SH3RF3: variants seen among roughly 807,000 people sequenced by gnomAD.
SH3RF3 encodes SH3 domain containing ring finger 3, also known as E3 ubiquitin-protein ligase SH3RF3.
SH3RF3 carries 29 observed loss-of-function variants against 66.3 expected under a neutral mutation model. The ratio of observed to expected loss-of-function variants is 0.44; its 90% CI spans 0.33 to 0.60. The LOEUF (loss-of-function observed/expected upper bound fraction) is 0.60, where lower values mean the gene tolerates loss of function less well. Among genes scored for constraint, SH3RF3 ranks in the 20% least tolerant of loss-of-function variants. SH3RF3 has a pLI of 0.04. For missense variants in SH3RF3, 1,194 were observed against 1,190.9 expected (o/e 1.00, Z -0.04); for synonymous variants, 583 against 532.0 (o/e 1.10, Z -1.32).
intron 1 of SH3RF3, among the ~76,000 whole-genome samples, chr2:109,231,833 A>G (rs1679521645): frequency 6.6e-6 from 1 of 152,106 alleles, no homozygotes; most frequent in South Asian, 2.1e-4. Context: ...CTCTAGCTGG[A>G]TTAGATATTT....
chr2:109,287,625 A>G lies in SH3RF3; in HGVS notation c.574-60049A>G, dbSNP rs371606059. On this transcript the variant is annotated intron_variant, in intron 1 of 9. Coordinates refer to ENST00000309415, the MANE Select transcript of SH3RF3 (RefSeq NM_001099289.3). ...AGGCGCAGGTGGTTGGATTTGTCCA[A>G]TGGGAGGCGGGAGGGGAACTGTGAG... is the stretch of plus-strand genomic sequence containing the variant. Among the ~76,000 whole-genome samples the G allele has an allele frequency of 1.1e-4, 16 of 152,226 alleles. No individual in the cohort carries two copies. The East Asian group carries it at 1.9e-3, about 18-fold the overall frequency.
chr2:109,363,721 ATTT>A (rs1683099024), intron 2 of SH3RF3, among the ~76,000 whole-genome samples: 1 of 152,180 alleles, frequency 6.6e-6, no homozygotes, highest in Non-Finnish European at 1.5e-5. Context: ...TTGAAGGATA[ATTT>A]CACAGGTACA....
intron 2 of SH3RF3, among the ~76,000 whole-genome samples, chr2:109,370,108 G>A (rs998236898): frequency 7.2e-5 from 11 of 152,228 alleles, no homozygotes; most frequent in Admixed American, 6.5e-4. Flanking sequence ...TGCCGAAGGA[G>A]GGATGGTTCC....
intron 1 of SH3RF3, among the ~76,000 whole-genome samples, chr2:109,203,475 T>C (rs1407108789): frequency 6.6e-6 from 1 of 152,174 alleles, no homozygotes; most frequent in Admixed American, 6.5e-5. Context: ...AGTCGCTTCT[T>C]AGTTCCTAAG....
chr2:109,167,783 GGATGGTCTTGATCTCCT>G (rs1677665197), intron 1 of SH3RF3, among the ~76,000 whole-genome samples: 1 of 152,138 alleles, frequency 6.6e-6, no homozygotes, highest in South Asian at 2.1e-4. Flanking sequence ...ATGTTAGCCA[GGATGGTCTTGATCTCCT>G]GACCTTGTGA....
intron 1 of SH3RF3, among the ~76,000 whole-genome samples, chr2:109,337,487 G>A (rs1408995028): frequency 6.6e-6 from 1 of 152,234 alleles, no homozygotes; most frequent in Non-Finnish European, 1.5e-5. Context: ...AAGGGACTGT[G>A]CAGGCAAGGG....
intron 1 of SH3RF3, among the ~76,000 whole-genome samples, chr2:109,209,261 A>G (rs910000185): frequency 1.3e-5 from 2 of 152,172 alleles, no homozygotes; most frequent in African/African-American, 2.4e-5. Context: ...AGGTCATCAC[A>G]TTCAGAGATT....
intron 3 of SH3RF3, among the ~76,000 whole-genome samples, chr2:109,374,311 T>C (rs1284821310): frequency 2.0e-5 from 3 of 152,102 alleles, no homozygotes; most frequent in Non-Finnish European, 4.4e-5. Flanking sequence ...CACACACCCA[T>C]AGCCTGGCAG....
chr2:109,422,414 G>A (rs750602958), intron 5 of SH3RF3, among the ~76,000 whole-genome samples: 88 of 152,180 alleles, frequency 5.8e-4, no homozygotes, highest in African/African-American at 2.0e-3. Context: ...AATCCTGTAC[G>A]GTCAGTGTGT....
At chr2:109,476,765 T>G (rs1573284202) in intron 8 of SH3RF3, among the ~76,000 whole-genome samples, 1 of 152,220 alleles carries the variant, frequency 6.6e-6, no homozygotes, top group African/African-American at 2.4e-5. Context: ...ACAGCAGCCC[T>G]GAGGGCTGCT....
chr2:109,311,468 A>G (rs1376467552), intron 1 of SH3RF3, among the ~76,000 whole-genome samples: 1 of 148,960 alleles, frequency 6.7e-6, no homozygotes, highest in Admixed American at 6.8e-5. Flanking sequence ...CTCCTATTCA[A>G]CATAGTGTTG....
intron 1 of SH3RF3, chr2:109,251,453 A>G (rs1680089992): frequency 1.4e-6 from 1 of 726,084 alleles, no homozygotes. Flanking sequence ...GAGTTGAAAA[A>G]ATCTATGGAC....
intron 1 of SH3RF3, among the ~76,000 whole-genome samples, chr2:109,294,392 C>T (rs924152570): frequency 3.3e-5 from 5 of 151,884 alleles, no homozygotes; most frequent in African/African-American, 1.2e-4. Context: ...GAAACCTCAT[C>T]TCTACTAAAA....
chr2:109,319,044 G>C (rs932573025), intron 1 of SH3RF3, among the ~76,000 whole-genome samples: 1 of 152,166 alleles, frequency 6.6e-6, no homozygotes, highest in African/African-American at 2.4e-5. Flanking sequence ...GCTCTCCATC[G>C]ATCCTGGTGT....
intron 8 of SH3RF3, among the ~76,000 whole-genome samples, chr2:109,471,456 A>G (rs1456733613): frequency 6.6e-6 from 1 of 152,152 alleles, no homozygotes; most frequent in Non-Finnish European, 1.5e-5. Context: ...CAAGAACAGC[A>G]TGGGAGAAAC....
chr2:109,419,632 C>T lies in SH3RF3; in HGVS notation c.1393C>T (p.Pro465Ser). The T allele has an allele frequency of 6.3e-7, 1 of 1,579,606 alleles. No individual in the cohort carries two copies. The highest frequency in any genetic ancestry group is 8.6e-7 in the Non-Finnish European group (1 of 1,164,478). The stretch of plus-strand genomic sequence containing the variant: ...GGGCACGCCTCCCAAGGTCCAGCTG[C>T]CCCTCAACGTGTGAGCTGCCCTTTG... ...EQGTPPKVQLPLNVYLALYAY... is the reference protein window; with the variant it reads ...EQGTPPKVQLSLNVYLALYAY... The change falls in exon 5 of 10, where the codon CCC (proline) becomes TCC (serine). Residue 465 changes from proline to serine, a missense_variant. Physicochemically the swap from Pro to Ser is moderately conservative, Grantham distance 74. Coordinates refer to ENST00000309415, the MANE Select transcript of SH3RF3 (RefSeq NM_001099289.3).
chr2:109,171,750 C>T (rs1431056105), intron 1 of SH3RF3, among the ~76,000 whole-genome samples: 1 of 152,258 alleles, frequency 6.6e-6, no homozygotes, highest in East Asian at 1.9e-4. Context: ...TCCTGGTGCC[C>T]ACGCTGGCTG....
chr2:109,178,395 G>A (rs1323790550), intron 1 of SH3RF3, among the ~76,000 whole-genome samples: 1 of 152,160 alleles, frequency 6.6e-6, no homozygotes, highest in African/African-American at 2.4e-5. Context: ...AGGAATATTG[G>A]TGGTATGCTT....
At chr2:109,391,168 A>G (rs1675981968) in intron 3 of SH3RF3, among the ~76,000 whole-genome samples, 1 of 152,352 alleles carries the variant, frequency 6.6e-6, no homozygotes, top group Middle Eastern at 3.4e-3. Context: ...GCCTGTACTC[A>G]GGCTTTACGT....
Sources: gnomAD v4.1 joint callset for allele counts (sites outside exome capture counted in the v4.1 genomes callset) on GRCh38, gnomAD v4.1.1 for gene constraint, MANE v1.5 for transcripts, NCBI Gene and HGNC (gene_info 2026-07-23, HGNC 2026-07-21) for gene names.